AIRE: variants seen among roughly 807,000 people sequenced by gnomAD.
AIRE encodes autoimmune polyendocrinopathy candidiasis ectodermal dystrophy protein.
In AIRE, 52 loss-of-function variants were observed where a neutral mutation model predicts 62.1. The observed-to-expected ratio is 0.84, with a 90% CI of 0.67 to 1.06. The LOEUF is 1.06. Ranked by LOEUF, AIRE falls within the 50% of genes least tolerant of loss-of-function variation. The pLI is 0.00. For missense variants in AIRE, 774 were observed against 755.8 expected, an observed-to-expected ratio of 1.02 and a Z score of -0.28; for synonymous variants, 342 against 321.6, an observed-to-expected ratio of 1.06 and a Z score of -0.68.
intron 10 of AIRE, among the ~76,000 whole-genome samples, chr21:44,293,552 T>C (rs2040567146): frequency 6.6e-6 from 1 of 151,800 alleles, no homozygotes. Context: ...AGGAGAGAGG[T>C]GCGGGCGCCA....
In AIRE at chr21:44,287,721, C is replaced by A; in HGVS notation, c.538+130C>A. 1.0e-6 allele frequency: 1 copy of A among 1,000,414 alleles called. No individual in the cohort carries two copies. 62.0% of individuals were successfully genotyped at this position (1,000,414 alleles called of 1,614,324 possible). ...GACGTGCTGGCCTGGTGTGTCATTC[C>A]AAGGGCCTAAGCTGCACCACCAGAC... is the stretch of plus-strand genomic sequence containing the variant. On this transcript the variant is annotated intron_variant, in intron 4 of 13. Transcript: ENST00000291582. This position sits in a 1 kb window ranked among gnomAD's most constrained non-coding sequence, Gnocchi z 4.3.
rs1189731762 is a variant in AIRE, at chr21:44,286,805, G to GAACC, written c.307+75_307+78dup. 5.7e-6 allele frequency: 9 copies of GAACC among 1,586,490 alleles called. No homozygotes were observed. In the East Asian group the frequency reaches 1.8e-4, roughly 32 times the overall value. ...TCACCTGCTCAGCCCAGCTGGACTG[G>GAACC]AACCGGAGTGGTGTTTGAGGAGCCC... On this transcript the variant is annotated intron_variant, in intron 2 of 13. Transcript: ENST00000291582. This position sits in a 1 kb window ranked among gnomAD's most constrained non-coding sequence, Gnocchi z 6.0.
At position 44,287,094 on chromosome 21, in the gene AIRE, G is replaced by A. The variant is rs755258600; in HGVS notation, c.424G>A (p.Ala142Thr). 6.2e-6 allele frequency: 10 copies of A among 1,612,284 alleles called. No homozygotes were observed. Among genetic ancestry groups the A allele is most frequent in the South Asian group, 4.4e-5 (4 of 91,066 alleles). The part of the protein sequence containing the change: ...RKASEEARAA[A>T]PAALTPRGTA... The stretch of plus-strand genomic sequence containing the variant: ...GGCCTCAGAAGAGGCTCGAGCTGCC[G>A]CGCCAGCAGCCCTGACTCCAAGGGG... Residue 142 changes from alanine (A) to threonine (T), a missense_variant, in exon 3 of 14, where the codon GCG becomes ACG. Transcript: ENST00000291582. The surrounding 1 kb of genome is among the most constrained non-coding windows in gnomAD (Gnocchi z 4.3).
chr21:44,296,484 C>G lies in AIRE; in HGVS notation c.1566+39C>G, dbSNP rs754431144. 23 of 1,575,396 alleles carry G rather than the reference C, an allele frequency of 1.5e-5. No individual in the cohort carries two copies. The East Asian group carries it at 4.9e-4, about 34-fold the overall frequency. ...TGGCCTCCTGGTGCTCCTCCACTCC[C>G]CCTCCCCTGCCTCAGCCGGCACCCA... On this transcript the variant is annotated intron_variant, in intron 13 of 13. Transcript: ENST00000291582.
chr21:44,293,682 C>A, intron 10 of AIRE, 107 bp from the exon 11 acceptor site: 1 of 1,534,850 alleles, frequency 6.5e-7, no homozygotes, highest in Non-Finnish European at 8.8e-7. Flanking sequence ...CCTAGACCCG[C>A]CGTCCAGCCC....
rs1385282121 is a variant in AIRE, at chr21:44,286,094, C to T, written c.88C>T (p.His30Tyr). ...CGTGGACAGCGCCTTCCCACTGCTG[C>T]ACGCGCTGGCTGACCACGACGTGGT... is the stretch of plus-strand genomic sequence containing the variant. Reference protein sequence around the residue: ...VAVDSAFPLLHALADHDVVPE... With the variant: ...VAVDSAFPLLYALADHDVVPE... The change falls in exon 1 of 14, where the codon CAC becomes TAC. Residue 30 changes from histidine to tyrosine, a missense_variant. Around this residue, in one of 3 missense-constraint regions of AIRE, gnomAD observed 385 missense variants for 396.0 expected, o/e 0.97. Transcript: ENST00000291582. The surrounding 1 kb of genome is among the most constrained non-coding windows in gnomAD (Gnocchi z 6.0). The T allele has an allele frequency of 1.5e-5, 23 of 1,546,406 alleles. No individual in the cohort carries two copies. The highest frequency in any genetic ancestry group is 2.0e-5 in the Admixed American group (1 of 50,970).
chr21:44,287,305 G>A lies in AIRE; in HGVS notation c.463+172G>A, dbSNP rs1320131896. On this transcript the variant is annotated intron_variant, in intron 3 of 13. Coordinates refer to ENST00000291582, the MANE Select transcript of AIRE (RefSeq NM_000383.4). This position sits in a 1 kb window ranked among gnomAD's most constrained non-coding sequence, Gnocchi z 4.3. ...ACCCACACACTGGACCAGCCTCTCA[G>A]CTCCCTCCTGCCTGAAGGCTGAGCT... is the stretch of plus-strand genomic sequence containing the variant. The A allele has an allele frequency of 7.4e-6, 6 of 811,324 alleles. No individual in the cohort carries two copies. Among genetic ancestry groups the A allele is most frequent in the Non-Finnish European group, 1.2e-5 (6 of 514,746 alleles). The allele number at this position is 811,324 out of a possible 1,614,324, so 50.3% of individuals were successfully genotyped here. A position where few individuals can be genotyped will look rare whatever the true frequency, so the allele number is the denominator to read the frequency against.
rs1365198075 is a variant in AIRE, at chr21:44,286,078, C to T, written c.72C>T (p.Ser24=). ...HRTEIAVAVD[S]AFPLLHALAD... The stretch of plus-strand genomic sequence containing the variant: ...CGGAGATCGCGGTGGCCGTGGACAG[C>T]GCCTTCCCACTGCTGCACGCGCTGG... The change falls in exon 1 of 14, where the codon AGC becomes AGT. Residue 24 remains serine, a synonymous_variant. Transcript: ENST00000291582. This position sits in a 1 kb window ranked among gnomAD's most constrained non-coding sequence, Gnocchi z 6.0. The T allele has an allele frequency of 1.3e-6, 2 of 1,544,608 alleles. No individual in the cohort carries two copies. The highest frequency in any genetic ancestry group is 8.7e-7 in the Non-Finnish European group (1 of 1,146,428).
Position 44,290,010 on chromosome 21 carries a change from GC to G in AIRE, c.823del (p.Gln275SerfsTer103), listed in dbSNP as rs764819068. 3 of 1,610,884 alleles carry G rather than the reference GC, an allele frequency of 1.9e-6. No individual in the cohort carries two copies. The highest frequency in any genetic ancestry group is 2.5e-6 in the Non-Finnish European group (3 of 1,179,402). The part of the protein sequence containing the change: ...AAPGGGEARL[G>X]QQGSVPAPLA... ...CAGGGTGGAGGTGAGGCTAGGCTGG[GC>G]CAGCAGGGCAGCGTTCCCGCCCCTC... On this transcript the variant is annotated frameshift_variant, in exon 7 of 14. Transcript: ENST00000291582. LOFTEE classifies it high-confidence loss of function.
intron 12 of AIRE, among the ~76,000 whole-genome samples, chr21:44,295,939 T>C (rs2040602632): frequency 6.6e-6 from 1 of 152,184 alleles, no homozygotes; most frequent in Non-Finnish European, 1.5e-5. Context: ...CAATGTAATA[T>C]GGTCTCCTCT....
In AIRE at chr21:44,293,771, C is replaced by T. The variant is rs72650678; in HGVS notation, c.1279-18C>T. 0.012 allele frequency: 18,624 copies of T among 1,595,882 alleles called. 143 individuals carry two copies. Among genetic ancestry groups the T allele is most frequent in the Non-Finnish European group, 0.014 (16,813 of 1,179,424 alleles). ...TCCCCCGGCCCCCCGCGTCACCCCG[C>T]GCTGTTGCCTCCCACAGAACCTGGC... On this transcript the variant is annotated intron_variant, in intron 10 of 13. Transcript: ENST00000291582.
rs754431144 is a variant in AIRE, at chr21:44,296,484, C to A, written c.1566+39C>A. 3.2e-6 allele frequency: 5 copies of A among 1,575,398 alleles called. No individual in the cohort carries two copies. In the Admixed American group the frequency reaches 8.3e-5, roughly 26 times the overall value. ...TGGCCTCCTGGTGCTCCTCCACTCC[C>A]CCTCCCCTGCCTCAGCCGGCACCCA... On this transcript the variant is annotated intron_variant, in intron 13 of 13. Transcript: ENST00000291582.
In AIRE at chr21:44,295,059, G is replaced by A. The variant is rs79005199; in HGVS notation, c.1503+556G>A. On this transcript the variant is annotated intron_variant, in intron 12 of 13. Coordinates refer to ENST00000291582, the MANE Select transcript of AIRE (RefSeq NM_000383.4). ...GGCGGCTGGGCTTGCCCTGGAGCTGGGTGTGGGGGAGGCCCGAGTCGCTGC... is the reference window on the plus strand; with the variant it reads ...GGCGGCTGGGCTTGCCCTGGAGCTGAGTGTGGGGGAGGCCCGAGTCGCTGC... Among the ~76,000 whole-genome samples, 51 of 152,270 alleles carry A rather than the reference G, an allele frequency of 3.3e-4. No homozygotes were observed. The East Asian group carries it at 9.1e-3, about 27-fold the overall frequency.
At position 44,287,554 on chromosome 21, in the gene AIRE, G is replaced by C; in HGVS notation, c.501G>C (p.Glu167Asp). The C allele has an allele frequency of 6.4e-7, 1 of 1,558,816 alleles. No individual in the cohort carries two copies. The highest frequency in any genetic ancestry group is 2.4e-5 in the East Asian group (1 of 42,040). ...QLKAKPPKKP[E>D]SSAEQQRLPL... The stretch of plus-strand genomic sequence containing the variant: ...AGGCCAAGCCCCCCAAGAAGCCGGA[G>C]AGCAGCGCAGAGCAGCAGCGCCTTC... Residue 167 changes from glutamate (E) to aspartate (D), a missense_variant, in exon 4 of 14, where the codon GAG becomes GAC. Glu to Asp is a conservative substitution (Grantham distance 45). Around this residue, in one of 3 missense-constraint regions of AIRE, gnomAD observed 385 missense variants for 396.0 expected, o/e 0.97. Coordinates refer to ENST00000291582, the MANE Select transcript of AIRE (RefSeq NM_000383.4). This position sits in a 1 kb window ranked among gnomAD's most constrained non-coding sequence, Gnocchi z 4.3.
At chr21:44,293,360 T>TCCAG (rs1000283883) in intron 10 of AIRE, among the ~76,000 whole-genome samples, 185 bp downstream of exon 10, 5 of 151,824 alleles carry the variant, frequency 3.3e-5, no homozygotes, top group African/African-American at 1.2e-4. Flanking sequence ...AGACCTCCAC[T>TCCAG]CCAGCTCCTG....
intron 12 of AIRE, among the ~76,000 whole-genome samples, chr21:44,294,744 G>C (rs1285564092): frequency 6.6e-6 from 1 of 152,206 alleles, no homozygotes; most frequent in Non-Finnish European, 1.5e-5. Flanking sequence ...CTGACGTCAC[G>C]GTTGGCTGTG....
rs1337081888 is a variant in AIRE at position 44,298,555 on chromosome 21, C to A, written c.*828C>A. ...TTCCTCAGCAGACACCTGGGTGCTTCCACCTTTTGGCTGTTGTGAGTAATG... is the reference window on the plus strand; with the variant it reads ...TTCCTCAGCAGACACCTGGGTGCTTACACCTTTTGGCTGTTGTGAGTAATG... On this transcript the variant is annotated 3_prime_UTR_variant, in exon 14 of 14. Coordinates refer to ENST00000291582, the MANE Select transcript of AIRE (RefSeq NM_000383.4). The A allele has an allele frequency of 6.6e-6, 1 of 152,350 alleles. No individual in the cohort carries two copies. Among genetic ancestry groups the A allele is most frequent in the Non-Finnish European group, 1.5e-5 (1 of 68,132 alleles). 9.4% of individuals were successfully genotyped at this position (152,350 alleles called of 1,614,324 possible). A position where few individuals can be genotyped will look rare whatever the true frequency, so the allele number is the denominator to read the frequency against.
At position 44,285,929 on chromosome 21, in the gene AIRE, C is replaced by A; in HGVS notation, c.-78C>A. The A allele has an allele frequency of 7.0e-7, 1 of 1,427,200 alleles. No individual in the cohort carries two copies. The highest frequency in any genetic ancestry group is 9.3e-7 in the Non-Finnish European group (1 of 1,075,806). The allele number at this position is 1,427,200 out of a possible 1,614,324, so 88.4% of individuals were successfully genotyped here. On this transcript the variant is annotated 5_prime_UTR_variant, in exon 1 of 14. Coordinates refer to ENST00000291582, the MANE Select transcript of AIRE (RefSeq NM_000383.4). ...CGGAGGCCCCACAGCCCCGCCGGGA[C>A]CCGAGGCCAAGCGAGGGGCTGCCAG...
rs373993732 is a variant in AIRE at position 44,293,813 on chromosome 21, G to T, written c.1303G>T (p.Gly435Trp). 1 of 1,596,698 alleles carries T rather than the reference G, an allele frequency of 6.3e-7. No individual in the cohort carries two copies. The highest frequency in any genetic ancestry group is 1.7e-5 in the Admixed American group (1 of 59,972). Reference protein sequence around the residue: ...QQNLAPGARCGVCGDGTDVLR... With the variant: ...QQNLAPGARCWVCGDGTDVLR... Reference sequence around the variant, plus strand: ...GAACCTGGCTCCTGGTGCGCGTTGCGGGGTGTGCGGAGATGGTACGGACGT... The same window carrying T: ...GAACCTGGCTCCTGGTGCGCGTTGCTGGGTGTGCGGAGATGGTACGGACGT... The change falls in exon 11 of 14, where the codon GGG becomes TGG. Residue 435 changes from glycine (G) to tryptophan (W), a missense_variant. Physicochemically the swap from Gly to Trp is radical, Grantham distance 184. Around this residue, in one of 3 missense-constraint regions of AIRE, gnomAD observed 354 missense variants for 296.1 expected, o/e 1.20. Transcript: ENST00000291582.
Sources: gnomAD v4.1 joint callset for allele counts (sites outside exome capture counted in the v4.1 genomes callset) on GRCh38, gnomAD v4.1.1 for gene constraint, gnomAD v4.1.1 regional missense constraint, Gnocchi (gnomAD v3.1) non-coding constraint, MANE v1.5 for transcripts, NCBI Gene and HGNC (gene_info 2026-07-23, HGNC 2026-07-21) for gene names.